The following ROBO2 variants were observed in gnomAD, a reference collection of about 807,000 sequenced individuals.
ROBO2 encodes roundabout guidance receptor 2.
ROBO2 carries 53 observed loss-of-function variants against 160.8 expected under a neutral mutation model. That is an observed-to-expected ratio of 0.33 (90% CI 0.26 to 0.41). The LOEUF is 0.41. Ranked by LOEUF, ROBO2 falls within the 10% of genes least tolerant of loss-of-function variation. The probability of loss-of-function intolerance (pLI) is 1.00; values close to 1 mark genes in which losing one functional copy is unlikely to be tolerated. For synonymous variants in ROBO2, 664 were observed against 611.7 expected, an observed-to-expected ratio of 1.09 and a Z score of -1.26; for missense variants, 1,577 against 1,722.4, an observed-to-expected ratio of 0.92 and a Z score of 1.49.
At chr3:76,747,575 G>A (rs915511718) in intron 2 of ROBO2, among the ~76,000 whole-genome samples, 5 of 151,762 alleles carry the variant, frequency 3.3e-5, no homozygotes, top group African/African-American at 1.2e-4. Flanking sequence ...CATGTGAATG[G>A]CAGTTGAGTC....
chr3:77,627,525 T>A (rs939807526), intron 23 of ROBO2, among the ~76,000 whole-genome samples: 11 of 152,130 alleles, frequency 7.2e-5, no homozygotes, highest in African/African-American at 1.2e-4. Flanking sequence ...CCTCAGGTGA[T>A]CTGCCCATTT....
At chr3:77,241,725 C>T (rs997841800) in intron 2 of ROBO2, among the ~76,000 whole-genome samples, 1 of 152,128 alleles carries the variant, frequency 6.6e-6, no homozygotes, top group Non-Finnish European at 1.5e-5. Context: ...TGGCTATGCT[C>T]GTATAAAAAC....
chr3:76,722,210 T>A (rs972183928), intron 2 of ROBO2, among the ~76,000 whole-genome samples: 8 of 152,114 alleles, frequency 5.3e-5, no homozygotes. Context: ...GATGGAAAAC[T>A]TTGTGTTTCA....
intron 5 of ROBO2, among the ~76,000 whole-genome samples, chr3:77,509,445 T>G (rs1045558766): frequency 6.6e-5 from 10 of 152,034 alleles, no homozygotes; most frequent in African/African-American, 2.2e-4. Context: ...CTATTTAACT[T>G]ATATCTACCT....
intron 2 of ROBO2, among the ~76,000 whole-genome samples, chr3:76,281,840 A>G (rs1176034735): frequency 6.6e-6 from 1 of 151,988 alleles, no homozygotes; most frequent in Non-Finnish European, 1.5e-5. Flanking sequence ...TGCCTATGAG[A>G]TTGTTAGCAC....
intron 2 of ROBO2, among the ~76,000 whole-genome samples, chr3:76,073,267 CTTTTTTTTTTTTTTTTTTTTT>C (rs869307615): frequency 4.7e-4 from 27 of 57,390 alleles, no homozygotes; most frequent in African/African-American, 1.2e-3. Flanking sequence ...AATGAGTATT[CTTTTTTTTTTTTTTTTTTTTT>C]TTTTTTTTTT....
intron 2 of ROBO2, among the ~76,000 whole-genome samples, chr3:76,272,194 A>G (rs1707474745): frequency 6.6e-6 from 1 of 152,140 alleles, no homozygotes; most frequent in Non-Finnish European, 1.5e-5. Context: ...GAAGTTATGT[A>G]AAGTAGCGCT....
At chr3:76,683,290 C>A (rs2092609050) in intron 2 of ROBO2, among the ~76,000 whole-genome samples, 1 of 151,750 alleles carries the variant, frequency 6.6e-6, no homozygotes, top group Non-Finnish European at 1.5e-5. Context: ...CCAACCCATA[C>A]TTGGTCAAAA....
chr3:77,199,620 A>ATTTTTTT (rs66672194), intron 2 of ROBO2, among the ~76,000 whole-genome samples: 4 of 118,194 alleles, frequency 3.4e-5, no homozygotes, highest in African/African-American at 6.9e-5. Flanking sequence ...CTCAGTCACC[A>ATTTTTTT]TTTTTTTTTT....
At chr3:76,708,731 C>T (rs1034119598) in intron 2 of ROBO2, among the ~76,000 whole-genome samples, 6 of 152,148 alleles carry the variant, frequency 3.9e-5, no homozygotes, top group East Asian at 1.9e-4. Context: ...ATTGTGTTCA[C>T]GTTTTAGAAC....
At chr3:77,155,654 G>A (rs2077947752) in intron 2 of ROBO2, among the ~76,000 whole-genome samples, 1 of 151,992 alleles carries the variant, frequency 6.6e-6, no homozygotes, top group Non-Finnish European at 1.5e-5. Context: ...GAATACACAT[G>A]ATAGTTATTT....
chr3:77,017,862 C>T (rs942057121), intron 2 of ROBO2, among the ~76,000 whole-genome samples: 1 of 151,602 alleles, frequency 6.6e-6, no homozygotes, highest in African/African-American at 2.4e-5. Flanking sequence ...CCATTTATGC[C>T]TGAGGTGGTA....
At chr3:76,833,912 AC>A (rs1184477743) in intron 2 of ROBO2, among the ~76,000 whole-genome samples, 1 of 151,284 alleles carries the variant, frequency 6.6e-6, no homozygotes, top group African/African-American at 2.4e-5. Flanking sequence ...ACATGCTCAG[AC>A]TTTTTTTTCT....
At chr3:76,348,462 C>T (rs977193122) in intron 2 of ROBO2, among the ~76,000 whole-genome samples, 1 of 152,106 alleles carries the variant, frequency 6.6e-6, no homozygotes, top group African/African-American at 2.4e-5. Flanking sequence ...CGTCGCCACA[C>T]AGAAACAAGT....
intron 2 of ROBO2, among the ~76,000 whole-genome samples, chr3:76,552,413 A>G (rs2083473779): frequency 6.6e-6 from 1 of 152,224 alleles, no homozygotes; most frequent in Admixed American, 6.5e-5. Context: ...TACAATACAC[A>G]TGGAATAATT....
chr3:77,295,008 G>C (rs2061880527), intron 2 of ROBO2, among the ~76,000 whole-genome samples: 1 of 151,566 alleles, frequency 6.6e-6, no homozygotes, highest in Admixed American at 6.6e-5. Flanking sequence ...AAACGGATAA[G>C]CTGAGGCTAG....
chr3:76,037,563 C>G (rs2107745487), intron 2 of ROBO2, among the ~76,000 whole-genome samples: 1 of 152,056 alleles, frequency 6.6e-6, no homozygotes, highest in East Asian at 1.9e-4. Context: ...TTTATGCATT[C>G]TTCAATCATA....
At chr3:76,250,636 T>C (rs1705935381) in intron 2 of ROBO2, among the ~76,000 whole-genome samples, 1 of 151,974 alleles carries the variant, frequency 6.6e-6, no homozygotes, top group Non-Finnish European at 1.5e-5. Flanking sequence ...TACTCAAGGG[T>C]GAAATGAATG....
At chr3:76,875,065 A>G (rs1042234577) in intron 2 of ROBO2, among the ~76,000 whole-genome samples, 1 of 152,210 alleles carries the variant, frequency 6.6e-6, no homozygotes. Context: ...TGATTAGGCC[A>G]TGATGGCTCC....
Sources: allele counts gnomAD v4.1 joint callset (sites outside exome capture counted in the v4.1 genomes callset), GRCh38; gene constraint gnomAD v4.1.1; transcripts MANE v1.5; gene names NCBI Gene and HGNC (gene_info 2026-07-23, HGNC 2026-07-21).